CEP63: variants seen among roughly 807,000 people sequenced by gnomAD.
CEP63 encodes centrosomal protein 63, also known as centrosomal protein of 63 kDa.
In CEP63, 84 loss-of-function variants were observed where a neutral mutation model predicts 89.1. The observed-to-expected ratio is 0.94, with a 90% CI of 0.79 to 1.13. CEP63 has a LOEUF of 1.13. CEP63 is among the 50% of genes most tolerant of loss of function. The probability of loss-of-function intolerance (pLI) is 0.00; values close to 1 mark genes in which losing one functional copy is unlikely to be tolerated. For synonymous variants in CEP63, 267 were observed against 272.5 expected (o/e 0.98, Z 0.20); for missense variants, 838 against 813.3 (o/e 1.03, Z -0.37).
chr3:134,660,170 C>T, the CEP63 span, among the ~76,000 whole-genome samples: 308 of 152,348 alleles, frequency 2.0e-3, 1 homozygote, highest in Non-Finnish European at 3.2e-3. Flanking sequence ...GTGGCAGAAG[C>T]CTGAAAGTGG....
chr3:134,659,878 G>A, the CEP63 span, among the ~76,000 whole-genome samples: 5 of 152,186 alleles, frequency 3.3e-5, no homozygotes, highest in Admixed American at 1.3e-4. Flanking sequence ...GGGGGCATGC[G>A]GGAGATTTTT....
intron 1 of CEP63, among the ~76,000 whole-genome samples, chr3:134,487,024 G>A (rs1216069120): frequency 6.6e-6 from 1 of 152,170 alleles, no homozygotes; most frequent in Non-Finnish European, 1.5e-5. Flanking sequence ...TTTCAGCACC[G>A]TACGCTGATA....
chr3:134,637,092 A>T, the CEP63 span, among the ~76,000 whole-genome samples: 1 of 152,250 alleles, frequency 6.6e-6, no homozygotes, highest in African/African-American at 2.4e-5. Context: ...AAAAGATACA[A>T]TGTGGCCTCT....
In CEP63 at chr3:134,545,626, A is replaced by G; in HGVS notation, c.596A>G (p.Glu199Gly). 1 of 1,614,152 alleles carries G rather than the reference A, an allele frequency of 6.2e-7. No homozygotes were observed. ...VNRKQKLESV[E>G]LSSQSEIQHL... ...CGGAAACAGAAATTAGAGTCTGTGG[A>G]ACTTTCTAGCCAATCAGAAATTCAA... The change falls in exon 7 of 15, where the codon GAA becomes GGA. Residue 199 changes from glutamate (E) to glycine (G), a missense_variant. Glu to Gly is a moderately conservative substitution (Grantham distance 98). Transcript: ENST00000675561.
At chr3:134,556,891 T>C (rs1956287086) in intron 12 of CEP63, among the ~76,000 whole-genome samples, 1 of 152,208 alleles carries the variant, frequency 6.6e-6, no homozygotes, top group African/African-American at 2.4e-5. Context: ...GCATTATCAT[T>C]TTTTAATAAG....
intron 10 of CEP63, among the ~76,000 whole-genome samples, chr3:134,585,655 G>A (rs189852875): frequency 6.6e-6 from 1 of 152,168 alleles, no homozygotes; most frequent in Non-Finnish European, 1.5e-5. Flanking sequence ...GTGCTGAGAA[G>A]AATGTATATT....
At chr3:134,721,887 G>A in the CEP63 span, among the ~76,000 whole-genome samples, 2 of 151,844 alleles carry the variant, frequency 1.3e-5, no homozygotes, top group East Asian at 3.9e-4. Flanking sequence ...TTTTGTTGAG[G>A]GTTTTGCATC....
the CEP63 span, among the ~76,000 whole-genome samples, chr3:134,709,851 G>A: frequency 6.6e-6 from 1 of 152,160 alleles, no homozygotes; most frequent in African/African-American, 2.4e-5. Flanking sequence ...GAGTGCACCC[G>A]GCATTAATAG....
the CEP63 span, among the ~76,000 whole-genome samples, chr3:134,671,576 G>A: frequency 6.6e-6 from 1 of 152,210 alleles, no homozygotes; most frequent in Non-Finnish European, 1.5e-5. Context: ...GGGTATTTGT[G>A]ATATTACCAA....
At chr3:134,528,087 G>A (rs1306123024) in intron 3 of CEP63, among the ~76,000 whole-genome samples, 1 of 152,192 alleles carries the variant, frequency 6.6e-6, no homozygotes, top group Non-Finnish European at 1.5e-5. Flanking sequence ...GAGGCCCGTG[G>A]CAAGAGTGGG....
chr3:134,645,186 C>G, the CEP63 span, among the ~76,000 whole-genome samples: 1 of 152,202 alleles, frequency 6.6e-6, no homozygotes, highest in East Asian at 1.9e-4. Flanking sequence ...CCAATCACAG[C>G]AGGGGAAGCC....
chr3:134,559,072 A>C, intron 13 of CEP63, 78 bp from the exon 14 acceptor site: 1 of 1,510,410 alleles, frequency 6.6e-7, no homozygotes, highest in South Asian at 1.2e-5. Context: ...GCTATTAAGC[A>C]AATTTCCTAC....
the CEP63 span, among the ~76,000 whole-genome samples, chr3:134,729,770 G>T: frequency 3.7e-4 from 57 of 152,308 alleles, no homozygotes; most frequent in East Asian, 9.4e-3. Flanking sequence ...AACGCCAAAA[G>T]CCAGTTAGGG....
chr3:134,726,567 C>T, the CEP63 span, among the ~76,000 whole-genome samples: 3 of 152,058 alleles, frequency 2.0e-5, no homozygotes, highest in Non-Finnish European at 4.4e-5. Flanking sequence ...CTCTCTCCCT[C>T]CTTGCAGCAT....
intron 7 of CEP63, 131 bp from the exon 8 acceptor site, chr3:134,546,018 G>A (rs1452938240): frequency 1.1e-5 from 11 of 1,032,272 alleles, no homozygotes; most frequent in East Asian, 7.8e-5. Flanking sequence ...GTAACTTATA[G>A]TCTGACTTCC....
chr3:134,642,115 G>A, the CEP63 span, among the ~76,000 whole-genome samples: 3 of 152,202 alleles, frequency 2.0e-5, no homozygotes, highest in Admixed American at 6.5e-5. Context: ...ACACTGGCCT[G>A]TACTGTGAGG....
chr3:134,716,589 A>C, the CEP63 span, among the ~76,000 whole-genome samples: 8 of 152,124 alleles, frequency 5.3e-5, no homozygotes, highest in Non-Finnish European at 8.8e-5. Flanking sequence ...TGGGTAGAGC[A>C]TGAATATGTA....
At chr3:134,611,371 C>A in the CEP63 span, among the ~76,000 whole-genome samples, 1 of 151,986 alleles carries the variant, frequency 6.6e-6, no homozygotes, top group African/African-American at 2.4e-5. Flanking sequence ...AAAGCAAGAC[C>A]CCTGGGTGTC....
At chr3:134,560,261 A>ATATAGTGTGTT (rs1957110294) in intron 14 of CEP63, among the ~76,000 whole-genome samples, 1 of 152,120 alleles carries the variant, frequency 6.6e-6, no homozygotes, top group Admixed American at 6.5e-5. Flanking sequence ...GTGTTTGGTG[A>ATATAGTGTGTT]TGGGATGTTC....
Sources: allele counts gnomAD v4.1 joint callset (sites outside exome capture counted in the v4.1 genomes callset), GRCh38; gene constraint gnomAD v4.1.1; transcripts MANE v1.5; gene names NCBI Gene and HGNC (gene_info 2026-07-23, HGNC 2026-07-21).